Variants in RCAN2 observed in about 807,000 individuals in gnomAD.
The protein encoded by RCAN2 is regulator of calcineurin 2.
A neutral mutation model predicts 23.6 loss-of-function variants in RCAN2; 9 were observed. The observed-to-expected ratio is 0.38, with a 90% confidence interval of 0.23 to 0.67. The LOEUF (loss-of-function observed/expected upper bound fraction) is 0.67. RCAN2 is among the 30% of genes least tolerant of loss of function. The pLI is 0.51. For synonymous variants in RCAN2, 109 were observed against 115.7 expected (o/e 0.94, Z 0.37); for missense variants, 273 against 302.3 (o/e 0.90, Z 0.72).
At chr6:46,259,245 T>G (rs1347350003) in intron 2 of RCAN2, among the ~76,000 whole-genome samples, 2 of 152,104 alleles carry the variant, frequency 1.3e-5, no homozygotes, top group African/African-American at 4.8e-5. Context: ...TGGAGGTTTG[T>G]TTTTTAAGAA....
intron 2 of RCAN2, among the ~76,000 whole-genome samples, chr6:46,296,067 G>GTA: frequency 1.1e-4 from 1 of 9,378 alleles, no homozygotes; most frequent in East Asian, 2.8e-3. Flanking sequence ...CAATAGCTTC[G>GTA]TGTGTGTGTG....
intron 2 of RCAN2, among the ~76,000 whole-genome samples, chr6:46,286,642 A>C (rs369715611): frequency 1.1e-4 from 17 of 152,288 alleles, no homozygotes; most frequent in African/African-American, 3.1e-4. Context: ...AACTTCTGGG[A>C]AGCTAGAGAA....
intron 1 of RCAN2, 142 bp from the exon 2 acceptor site, chr6:46,457,120 T>G: frequency 1.6e-6 from 1 of 625,282 alleles, no homozygotes; most frequent in Admixed American, 2.9e-5. Flanking sequence ...AGGGAGAAGA[T>G]CTGCAAGTTC....
Position 46,223,112 on chromosome 6 carries a change from A to G in RCAN2, c.*29T>C. 1 of 1,610,050 alleles carries G rather than the reference A, an allele frequency of 6.2e-7. No homozygotes were observed. Among genetic ancestry groups the G allele is most frequent in the Non-Finnish European group, 8.5e-7 (1 of 1,178,754 alleles). The stretch of plus-strand genomic sequence containing the variant: ...GGGGAAAAAGCATGATAAAGAGGAG[A>G]CGGCTATTATCGAGAAGGAGCAGGC... On this transcript the variant is annotated 3_prime_UTR_variant, in exon 5 of 5. Transcript: ENST00000371374.
chr6:46,349,452 CTAATGCATTCAGGGTTT>C (rs1483776107), intron 2 of RCAN2, among the ~76,000 whole-genome samples: 6 of 152,040 alleles, frequency 3.9e-5, no homozygotes, highest in Admixed American at 1.3e-4. Context: ...GGAAAAATCG[CTAATGCATTCAGGGTTT>C]GAAACCTAAA....
intron 2 of RCAN2, among the ~76,000 whole-genome samples, chr6:46,408,264 T>C (rs965625482): frequency 8.5e-5 from 13 of 152,156 alleles, no homozygotes; most frequent in African/African-American, 2.9e-4. Context: ...GTTTACATGT[T>C]TAGAGCCATC....
intron 1 of RCAN2, among the ~76,000 whole-genome samples, chr6:46,484,690 T>C: frequency 6.6e-6 from 1 of 152,214 alleles, no homozygotes; most frequent in East Asian, 1.9e-4. Flanking sequence ...GAGGCTGCTG[T>C]ATCCATGGGC....
At chr6:46,256,560 C>G (rs1300630906) in intron 2 of RCAN2, among the ~76,000 whole-genome samples, 1 of 151,988 alleles carries the variant, frequency 6.6e-6, no homozygotes, top group Non-Finnish European at 1.5e-5. Context: ...TCTACTTCTA[C>G]CTTTAGATGT....
At chr6:46,353,185 C>T (rs535550484) in intron 2 of RCAN2, among the ~76,000 whole-genome samples, 1 of 152,252 alleles carries the variant, frequency 6.6e-6, no homozygotes, top group South Asian at 2.1e-4. Context: ...TGCCAAAGTT[C>T]ATCTCCAGCT....
intron 1 of RCAN2, among the ~76,000 whole-genome samples, chr6:46,478,901 T>C (rs954970746): frequency 1.3e-5 from 2 of 152,182 alleles, no homozygotes; most frequent in Non-Finnish European, 2.9e-5. Flanking sequence ...ATGGTGGTGA[T>C]AAGAAAACGA....
intron 4 of RCAN2, among the ~76,000 whole-genome samples, chr6:46,245,287 G>A (rs1766475086): frequency 6.6e-6 from 1 of 152,180 alleles, no homozygotes; most frequent in African/African-American, 2.4e-5. Context: ...GCTTGCTCTT[G>A]AAAGTTCTAT....
At chr6:46,332,637 A>G (rs1253095254) in intron 2 of RCAN2, among the ~76,000 whole-genome samples, 3 of 151,958 alleles carry the variant, frequency 2.0e-5, no homozygotes, top group Non-Finnish European at 4.4e-5. Context: ...AAGGACATGA[A>G]CTCATCATTT....
At chr6:46,346,573 G>A (rs1371496931) in intron 2 of RCAN2, among the ~76,000 whole-genome samples, 1 of 152,046 alleles carries the variant, frequency 6.6e-6, no homozygotes, top group African/African-American at 2.4e-5. Context: ...GAGATATTAT[G>A]CAACCATTAA....
chr6:46,478,347 C>T (rs1380827624), intron 1 of RCAN2, among the ~76,000 whole-genome samples: 1 of 152,078 alleles, frequency 6.6e-6, no homozygotes, highest in Admixed American at 6.5e-5. Flanking sequence ...ATAATAACAA[C>T]AACAAACACC....
chr6:46,390,019 C>CAAAAAAA (rs34443128), intron 2 of RCAN2, among the ~76,000 whole-genome samples: 1 of 137,694 alleles, frequency 7.3e-6, no homozygotes, highest in African/African-American at 2.8e-5. Context: ...TATTCGAGAC[C>CAAAAAAA]AAAAAAAAAA....
At chr6:46,247,019 TGA>T (rs1335933729) in intron 3 of RCAN2, 100 bp from the exon 4 acceptor site, 2 of 905,940 alleles carry the variant, frequency 2.2e-6, no homozygotes, top group African/African-American at 3.4e-5. Flanking sequence ...CTGCGACAAA[TGA>T]ACCGATGAAC....
chr6:46,434,410 G>A (rs1767308140), intron 2 of RCAN2, among the ~76,000 whole-genome samples: 1 of 152,090 alleles, frequency 6.6e-6, no homozygotes, highest in African/African-American at 2.4e-5. Flanking sequence ...GAAACACTCT[G>A]GGGAGACCTT....
intron 1 of RCAN2, among the ~76,000 whole-genome samples, chr6:46,477,328 G>A (rs1323398594): frequency 6.6e-6 from 1 of 152,098 alleles, no homozygotes; most frequent in Admixed American, 6.5e-5. Context: ...AGCTCTTCAA[G>A]GCTCAATTTA....
intron 2 of RCAN2, among the ~76,000 whole-genome samples, chr6:46,354,262 C>T (rs1764755861): frequency 6.8e-6 from 1 of 147,566 alleles, no homozygotes; most frequent in African/African-American, 2.6e-5. Flanking sequence ...TGTGTAGAAT[C>T]CCTGACTCAT....
Sources: gnomAD v4.1 joint callset for allele counts (sites outside exome capture counted in the v4.1 genomes callset) on GRCh38, gnomAD v4.1.1 for gene constraint, MANE v1.5 for transcripts, NCBI Gene and HGNC (gene_info 2026-07-23, HGNC 2026-07-21) for gene names.